RAI14: variants seen among roughly 807,000 people sequenced by gnomAD.
RAI14 encodes the protein ankycorbin.
RAI14 carries 45 observed loss-of-function variants against 115.4 expected under a neutral mutation model. The observed-to-expected ratio is 0.39, with a 90% CI of 0.31 to 0.50. The LOEUF (loss-of-function observed/expected upper bound fraction) is 0.50, where lower values mean the gene tolerates loss of function less well. RAI14 is among the 20% of genes least tolerant of loss of function. The pLI, the probability that RAI14 is intolerant of heterozygous loss-of-function variation, is 0.85. For synonymous variants in RAI14, 371 were observed against 415.4 expected, an observed-to-expected ratio of 0.89 and a Z score of 1.30; for missense variants, 939 against 1,131.2, an observed-to-expected ratio of 0.83 and a Z score of 2.44.
intron 2 of RAI14, among the ~76,000 whole-genome samples, chr5:34,718,113 G>A (rs762788805): frequency 6.6e-6 from 1 of 152,104 alleles, no homozygotes; most frequent in African/African-American, 2.4e-5. Context: ...TCCTCAGGAC[G>A]GAATGCTGGC....
chr5:34,667,276 C>G (rs1309248324), intron 1 of RAI14: 1 of 152,084 alleles, frequency 6.6e-6, no homozygotes, highest in Non-Finnish European at 1.5e-5. Context: ...CTCGCTCTGT[C>G]CCTTAGGCTG....
intron 5 of RAI14, among the ~76,000 whole-genome samples, chr5:34,806,348 G>A (rs1315828758): frequency 1.3e-5 from 2 of 152,192 alleles, no homozygotes; most frequent in Non-Finnish European, 2.9e-5. Flanking sequence ...GTACAGCATG[G>A]AAGTGTGAGG....
rs907090023 is a variant in RAI14 at position 34,806,197 on chromosome 5, G to A, written c.322-1603G>A. On this transcript the variant is annotated intron_variant, in intron 5 of 17. Transcript: ENST00000265109. Reference sequence around the variant, plus strand: ...AAGCAAATGGTACAATGTGTGCAAAGGACCTGAGGTCACAAAGGTGCTGGC... The same window carrying A: ...AAGCAAATGGTACAATGTGTGCAAAAGACCTGAGGTCACAAAGGTGCTGGC... Among the ~76,000 whole-genome samples the A allele has an allele frequency of 2.6e-5, 4 of 152,172 alleles. No individual in the cohort carries two copies. In the East Asian group the frequency reaches 7.7e-4, roughly 29 times the overall value.
intron 2 of RAI14, among the ~76,000 whole-genome samples, chr5:34,750,778 G>A (rs578078328): frequency 5.3e-5 from 8 of 151,516 alleles, no homozygotes; most frequent in African/African-American, 1.7e-4. Flanking sequence ...CTTCCTGATA[G>A]GATGCCACAC....
chr5:34,752,746 T>TAC (rs1747259718), intron 2 of RAI14, among the ~76,000 whole-genome samples: 1 of 131,052 alleles, frequency 7.6e-6, no homozygotes, highest in African/African-American at 3.2e-5. Context: ...TGTGTGTGTG[T>TAC]GTGTATATAT....
Position 34,799,685 on chromosome 5 carries a change from A to ATTTT in RAI14, c.256+3677_256+3680dup, listed in dbSNP as rs57115550. Among the ~76,000 whole-genome samples, 265 of 103,390 alleles carry ATTTT rather than the reference A, an allele frequency of 2.6e-3. 14 individuals are homozygous for ATTTT. Among genetic ancestry groups the ATTTT allele is most frequent in the Middle Eastern group, 5.5e-3 (1 of 182 alleles). The allele number at this position is 103,390 out of a possible 152,430, so 67.8% of individuals were successfully genotyped here. A position where few individuals can be genotyped will look rare whatever the true frequency, so the allele number is the denominator to read the frequency against. On this transcript the variant is annotated intron_variant, in intron 4 of 17. Coordinates refer to ENST00000265109, the MANE Select transcript of RAI14 (RefSeq NM_015577.3). ...GTTATAGAAGCAAGAATCTGTTAGCATTTTTTTTTTTTTTTTTTTTTTGAC... is the reference window on the plus strand; with the variant it reads ...GTTATAGAAGCAAGAATCTGTTAGCATTTTTTTTTTTTTTTTTTTTTTTTTTGAC...
At chr5:34,719,752 G>A (rs1189494676) in intron 2 of RAI14, among the ~76,000 whole-genome samples, 1 of 152,176 alleles carries the variant, frequency 6.6e-6, no homozygotes, top group Non-Finnish European at 1.5e-5. Context: ...CTGGTCAATG[G>A]CATGTCAGTA....
At chr5:34,660,572 A>G (rs464499) in intron 1 of RAI14, among the ~76,000 whole-genome samples, 54,948 of 152,080 alleles carry the variant, frequency 0.36, 11,651 homozygotes, top group South Asian at 0.59. Flanking sequence ...TGGATTACTC[A>G]CCCAACCTCC....
At chr5:34,710,351 A>G (rs910904976) in intron 2 of RAI14, among the ~76,000 whole-genome samples, 2 of 152,076 alleles carry the variant, frequency 1.3e-5, no homozygotes, top group Admixed American at 6.6e-5. Context: ...CTCCCTCTGT[A>G]TGTATCCGTC....
chr5:34,804,306 A>G (rs868513223), intron 5 of RAI14, among the ~76,000 whole-genome samples: 2 of 152,210 alleles, frequency 1.3e-5, no homozygotes, highest in East Asian at 3.8e-4. Flanking sequence ...CCCTGGTTCA[A>G]TAATCTTGCC....
chr5:34,707,184 T>C (rs6873230), intron 2 of RAI14, among the ~76,000 whole-genome samples: 83,652 of 152,036 alleles, frequency 0.55, 23,714 homozygotes, highest in African/African-American at 0.69. Flanking sequence ...AAGATGCTCT[T>C]GGCTGGGCAC....
rs937943463 is a variant in RAI14, at chr5:34,659,648, A to G, written c.-49+3173A>G. Among the ~76,000 whole-genome samples, 16 of 152,214 alleles carry G rather than the reference A, an allele frequency of 1.1e-4. 1 individual carries two copies. The highest frequency in any genetic ancestry group is 1.0e-4 in the Non-Finnish European group (7 of 68,032). On this transcript the variant is annotated intron_variant, in intron 1 of 17. Coordinates refer to ENST00000265109, the MANE Select transcript of RAI14 (RefSeq NM_015577.3). ...TCTTTTTACTATAACAGTTTGTACA[A>G]TAAACATCCTGAGATGTTTTCTTGT... is the stretch of plus-strand genomic sequence containing the variant.
At chr5:34,746,110 T>TG (rs1273870830) in intron 2 of RAI14, among the ~76,000 whole-genome samples, 2 of 101,636 alleles carry the variant, frequency 2.0e-5, no homozygotes, top group Admixed American at 1.0e-4. Context: ...CGCCTTTTTT[T>TG]TTTTTGTTTT....
rs369937347 is a variant in RAI14 at position 34,724,757 on chromosome 5, A to G, written c.37-32711A>G. Among the ~76,000 whole-genome samples the G allele has an allele frequency of 8.5e-5, 13 of 152,322 alleles. No homozygotes were observed. The South Asian group carries it at 2.5e-3, about 29-fold the overall frequency. On this transcript the variant is annotated intron_variant, in intron 2 of 17. Coordinates refer to ENST00000265109, the MANE Select transcript of RAI14 (RefSeq NM_015577.3). ...TTAGTTTTCCTTGGGACTTTGCACC[A>G]CAATCCTACTCAGCTACCGTGGGAA...
chr5:34,721,322 T>G (rs6451165), intron 2 of RAI14, among the ~76,000 whole-genome samples: 40,887 of 143,834 alleles, frequency 0.28, 5,976 homozygotes, highest in African/African-American at 0.35. Context: ...TATATATATA[T>G]ATAGATGTGT....
At chr5:34,814,944 T>TA (rs1239841737) in intron 12 of RAI14, among the ~76,000 whole-genome samples, 39 of 148,770 alleles carry the variant, frequency 2.6e-4, no homozygotes, top group South Asian at 6.3e-4. Context: ...TTTCTTCATT[T>TA]AAAAAAAAAA....
chr5:34,789,084 A>G (rs1272512365), intron 3 of RAI14, among the ~76,000 whole-genome samples: 1 of 152,198 alleles, frequency 6.6e-6, no homozygotes, highest in East Asian at 1.9e-4. Flanking sequence ...CCAGCTATCC[A>G]GGACACAGGC....
intron 1 of RAI14, among the ~76,000 whole-genome samples, chr5:34,665,315 A>C (rs1052120966): frequency 6.7e-6 from 1 of 149,112 alleles, no homozygotes; most frequent in Non-Finnish European, 1.5e-5. Context: ...AATAACTCTA[A>C]AACTAACAAG....
At chr5:34,807,449 A>G (rs539833233) in intron 5 of RAI14, among the ~76,000 whole-genome samples, 54 of 152,218 alleles carry the variant, frequency 3.5e-4, no homozygotes, top group Middle Eastern at 3.4e-3. Flanking sequence ...GTAATCCTTA[A>G]GAGAAAGCTG....
Sources: gnomAD v4.1 joint callset for allele counts (sites outside exome capture counted in the v4.1 genomes callset) on GRCh38, gnomAD v4.1.1 for gene constraint, MANE v1.5 for transcripts, NCBI Gene and HGNC (gene_info 2026-07-23, HGNC 2026-07-21) for gene names.